The following HSD17B10 variants were observed in gnomAD, a reference collection of about 807,000 sequenced individuals.
HSD17B10 encodes the protein hydroxysteroid 17-beta dehydrogenase 10.
For synonymous variants in HSD17B10, 90 were observed against 85.9 expected (o/e 1.05, Z -0.26); for missense variants, 87 against 219.4 (o/e 0.40, Z 3.81).
chrX:53,434,258 C>T, intron 1 of HSD17B10, 61 bp downstream of exon 1: 3 of 1,126,857 alleles, frequency 2.7e-6, no homozygotes, highest in Non-Finnish European at 3.6e-6. Flanking sequence ...CTCCTAGTTC[C>T]ACGGCCGCGC....
intron 1 of HSD17B10, 135 bp downstream of exon 1, chrX:53,434,184 A>T: frequency 1.3e-6 from 1 of 754,162 alleles, no homozygotes; most frequent in South Asian, 2.2e-5. Flanking sequence ...TCACCTCTTG[A>T]GCCCAACGGC....
chrX:53,432,458 C>T (rs192314520), intron 2 of HSD17B10, 47 bp from the exon 3 acceptor site: 1 of 1,097,355 alleles, frequency 9.1e-7, no homozygotes, highest in East Asian at 3.0e-5. Flanking sequence ...AGCACCCACT[C>T]TTCCCACTAA....
In HSD17B10 at chrX:53,434,334, C is replaced by A; in HGVS notation, c.12G>T (p.Ala4=). 8.6e-7 allele frequency: 1 copy of A among 1,168,688 alleles called. No individual in the cohort carries two copies. Among genetic ancestry groups the A allele is most frequent in the Non-Finnish European group, 1.1e-6 (1 of 873,320 alleles). MAA[A]CRSVKGLVAV... is the part of the protein sequence containing the mutation. ...AACCTTCTACCTTCACGCTCCGACA[C>A]GCTGCTGCCATCTTGTCGCCGGCCA... is the stretch of plus-strand genomic sequence containing the variant. Residue 4 remains alanine, a synonymous_variant, in exon 1 of 6, where the codon GCG becomes GCT. Transcript: ENST00000168216.
intron 1 of HSD17B10, 58 bp from the exon 2 acceptor site, chrX:53,433,944 T>C (rs2075835011): frequency 2.6e-6 from 3 of 1,138,632 alleles, no homozygotes; most frequent in African/African-American, 1.8e-5. Context: ...ATCCCCACGC[T>C]GTCGCCTGCC....
chrX:53,434,276 G>A, intron 1 of HSD17B10, 43 bp downstream of exon 1: 1 of 1,155,404 alleles, frequency 8.7e-7, no homozygotes, highest in Non-Finnish European at 1.2e-6. Context: ...CGCTGTCCCG[G>A]CCCGTAAAGG....
chrX:53,433,504 T>TA (rs2075833437), intron 2 of HSD17B10, among the ~76,000 whole-genome samples: 1 of 112,716 alleles, frequency 8.9e-6, no homozygotes, highest in African/African-American at 3.2e-5. Flanking sequence ...AGGAGATTGT[T>TA]ACGTCCAATC....
Position 53,431,886 on chromosome X carries a change from A to G in HSD17B10, c.507T>C (p.Ser169=). ...FEGQVGQAAY[S]ASKGGIVGMT... ...TGCCCACTATTCCCCCCTTGGAAGC[A>G]GAGTATGCAGCTTGTCCAACCTGGA... Residue 169 remains serine, a synonymous_variant, in exon 5 of 6, where the codon TCT becomes TCC. Coordinates refer to ENST00000168216, the MANE Select transcript of HSD17B10 (RefSeq NM_004493.3). 1 of 1,210,906 alleles carries G rather than the reference A, an allele frequency of 8.3e-7. No homozygotes were observed. Among genetic ancestry groups the G allele is most frequent in the Non-Finnish European group, 1.1e-6 (1 of 894,757 alleles).
At chrX:53,434,265 G>C (rs1556895020) in intron 1 of HSD17B10, 54 bp downstream of exon 1, 1 of 1,136,229 alleles carries the variant, frequency 8.8e-7, no homozygotes, top group East Asian at 3.3e-5. Flanking sequence ...TTCCACGGCC[G>C]CGCTGTCCCG....
intron 5 of HSD17B10, 100 bp downstream of exon 5, chrX:53,431,698 T>C: frequency 9.8e-7 from 1 of 1,020,074 alleles, no homozygotes; most frequent in African/African-American, 1.9e-5. Flanking sequence ...GGCCCAAAGA[T>C]AAAAGGCTGC....
chrX:53,432,529 G>C, intron 2 of HSD17B10, 118 bp from the exon 3 acceptor site: 1 of 628,470 alleles, frequency 1.6e-6, no homozygotes, highest in Non-Finnish European at 2.6e-6. Flanking sequence ...TTTGTGAGAA[G>C]GGAGAGGCCA....
At position 53,431,844 on chromosome X, in the gene HSD17B10, A is replaced by C. The variant is rs1232566196; in HGVS notation, c.549T>G (p.Ala183=). The C allele has an allele frequency of 8.3e-7, 1 of 1,211,108 alleles. No homozygotes were observed. The highest frequency in any genetic ancestry group is 1.7e-5 in the African/African-American group (1 of 57,618). ...GGATACCTATGGGAGCCAGATCCCG[A>C]GCAATGGGCAGTGTCATGCCCACTA... is the stretch of plus-strand genomic sequence containing the variant. ...GGIVGMTLPI[A]RDLAPIGIRV... is the part of the protein sequence containing the mutation. Residue 183 remains alanine, a synonymous_variant, in exon 5 of 6, where the codon GCT becomes GCG. Transcript: ENST00000168216.
Position 53,432,233 on chromosome X carries a change from T to C in HSD17B10, c.357+14A>G. 5.0e-6 allele frequency: 6 copies of C among 1,208,086 alleles called. No individual in the cohort carries two copies. Among genetic ancestry groups the C allele is most frequent in the Non-Finnish European group, 5.6e-6 (5 of 892,888 alleles). ...CTTACTACCACTATCCCTGGAGAAC[T>C]TCCAAGGCCTTACATCAAGAACTCG... On this transcript the variant is annotated intron_variant, in intron 3 of 5. Coordinates refer to ENST00000168216, the MANE Select transcript of HSD17B10 (RefSeq NM_004493.3).
intron 1 of HSD17B10, 129 bp downstream of exon 1, chrX:53,434,190 A>C: frequency 1.2e-6 from 1 of 804,128 alleles, no homozygotes; most frequent in Non-Finnish European, 1.8e-6. Context: ...CTTGAGCCCA[A>C]CGGCCACAAT....
In HSD17B10 at chrX:53,433,809, G is replaced by C; in HGVS notation, c.105C>G (p.Ala35=). Residue 35 remains alanine, a synonymous_variant, in exon 2 of 6, where the codon GCC becomes GCG. Transcript: ENST00000168216. Reference sequence around the variant, plus strand: ...TGGGCAGGTCCAGAAGCACAGCAGAGGCTCCCTGCCCCACAAGTCGCTCCG... The same window carrying C: ...TGGGCAGGTCCAGAAGCACAGCAGACGCTCCCTGCCCCACAAGTCGCTCCG... ...ATAERLVGQG[A]SAVLLDLPNS... is the part of the protein sequence containing the mutation. 2.5e-6 allele frequency: 3 copies of C among 1,210,950 alleles called. No homozygotes were observed. Among genetic ancestry groups the C allele is most frequent in the Non-Finnish European group, 3.4e-6 (3 of 894,599 alleles).
At chrX:53,431,626 C>A in intron 5 of HSD17B10, 32 bp from the exon 6 acceptor site, 1 of 1,141,678 alleles carries the variant, frequency 8.8e-7, no homozygotes, top group East Asian at 3.1e-5. Flanking sequence ...AGAGACTCAC[C>A]CTTGCTTTCA....
chrX:53,431,738 C>T (rs12688475), intron 5 of HSD17B10, 60 bp downstream of exon 5: 1 of 1,074,853 alleles, frequency 9.3e-7, no homozygotes, highest in Non-Finnish European at 1.3e-6. Context: ...ACCTTCCCCT[C>T]TCAACTGTCC....
chrX:53,432,236 C>T lies in HSD17B10; in HGVS notation c.357+11G>A, dbSNP rs781979081. Reference sequence around the variant, plus strand: ...ACTACCACTATCCCTGGAGAACTTCCAAGGCCTTACATCAAGAACTCGCTG... The same window carrying T: ...ACTACCACTATCCCTGGAGAACTTCTAAGGCCTTACATCAAGAACTCGCTG... On this transcript the variant is annotated intron_variant, in intron 3 of 5. Transcript: ENST00000168216. 10 of 1,206,999 alleles carry T rather than the reference C, an allele frequency of 8.3e-6. No individual in the cohort carries two copies. The highest frequency in any genetic ancestry group is 3.0e-5 in the East Asian group (1 of 33,697).
intron 2 of HSD17B10, chrX:53,433,010 T>C (rs141583477): frequency 0.029 from 3,853 of 133,453 alleles, 174 homozygotes; most frequent in African/African-American, 0.12. Flanking sequence ...GTTGTGAGGC[T>C]GGGTGCAGTG....
upstream of HSD17B10, chrX:53,434,372 G>A: frequency 8.6e-7 from 1 of 1,167,192 alleles, no homozygotes; most frequent in Non-Finnish European, 1.1e-6. Context: ...CCACGGGATG[G>A]GGATGGGGGC....
Sources: gnomAD v4.1 joint callset for allele counts (sites outside exome capture counted in the v4.1 genomes callset) on GRCh38, gnomAD v4.1.1 for gene constraint, MANE v1.5 for transcripts, NCBI Gene and HGNC (gene_info 2026-07-23, HGNC 2026-07-21) for gene names.